The following KLRF1 variants were observed in gnomAD, a reference collection of about 807,000 sequenced individuals.
KLRF1 encodes killer cell lectin like receptor F1.
KLRF1 carries 27 observed loss-of-function variants against 30.7 expected under a neutral mutation model. The observed-to-expected ratio is 0.88, with a 90% CI of 0.65 to 1.21. KLRF1 has a LOEUF of 1.21. KLRF1 is among the 50% of genes most tolerant of loss of function. The pLI is 0.00. For synonymous variants in KLRF1, 92 were observed against 89.3 expected, an observed-to-expected ratio of 1.03 and a Z score of -0.17; for missense variants, 246 against 259.3, an observed-to-expected ratio of 0.95 and a Z score of 0.35.
chr12:9,844,519 A>G lies in KLRF1; in HGVS notation c.689A>G (p.Gln230Arg). 4 of 1,577,586 alleles carry G rather than the reference A, an allele frequency of 2.5e-6. No homozygotes were observed. The highest frequency in any genetic ancestry group is 3.5e-6 in the Non-Finnish European group (4 of 1,150,466). Residue 230 changes from glutamine to arginine, a missense_variant, in exon 6 of 6, where the codon CAG becomes CGG. Gln to Arg is a conservative substitution (Grantham distance 43). Coordinates refer to ENST00000617889, the MANE Select transcript of KLRF1 (RefSeq NM_016523.3). ...AGCAGTGTTTTCAAATGGATTTGTCAGTATTAGAGTTTGACAAAATTCACA... is the reference window on the plus strand; with the variant it reads ...AGCAGTGTTTTCAAATGGATTTGTCGGTATTAGAGTTTGACAAAATTCACA... ...TCSSVFKWIC[Q>R]Y
intron 2 of KLRF1, 87 bp from the exon 3 acceptor site, chr12:9,833,216 A>G (rs762771080): frequency 7.6e-5 from 67 of 880,342 alleles, no homozygotes; most frequent in Middle Eastern, 6.0e-4. Flanking sequence ...TCTTGTTCCA[A>G]TCATCGGAAT....
chr12:9,841,429 A>T (rs1867698695), intron 3 of KLRF1, among the ~76,000 whole-genome samples: 1 of 152,116 alleles, frequency 6.6e-6, no homozygotes, highest in African/African-American at 2.4e-5. Context: ...TTACCTATGT[A>T]ACAAACCTGC....
chr12:9,810,743 A>G, the KLRF1 span, among the ~76,000 whole-genome samples: 1 of 152,228 alleles, frequency 6.6e-6, no homozygotes, highest in Admixed American at 6.5e-5. Flanking sequence ...TTCAGAGCAC[A>G]TTAAGAGTTT....
At chr12:9,839,016 G>A (rs1289593450) in intron 3 of KLRF1, among the ~76,000 whole-genome samples, 1 of 152,074 alleles carries the variant, frequency 6.6e-6, no homozygotes, top group Non-Finnish European at 1.5e-5. Flanking sequence ...GGGGTCTTTA[G>A]AAAGTAATTA....
At position 9,843,737 on chromosome 12, in the gene KLRF1, G is replaced by C. The variant is rs80201733; in HGVS notation, c.588-681G>C. ...CAATACAAAATTTAAAACTAAACTC[G>C]GACAAAGTGTATTTTCTAATATGAA... On this transcript the variant is annotated intron_variant, in intron 5 of 5. Coordinates refer to ENST00000617889, the MANE Select transcript of KLRF1 (RefSeq NM_016523.3). Among the ~76,000 whole-genome samples, 3 of 152,030 alleles carry C rather than the reference G, an allele frequency of 2.0e-5. No homozygotes were observed. The South Asian group carries it at 6.2e-4, about 32-fold the overall frequency.
chr12:9,831,960 T>C (rs1282992672), intron 1 of KLRF1, among the ~76,000 whole-genome samples: 1 of 152,184 alleles, frequency 6.6e-6, no homozygotes, highest in Non-Finnish European at 1.5e-5. Flanking sequence ...TTTATGTGGA[T>C]ACACATGTAT....
At chr12:9,836,678 A>G (rs1297160741) in intron 3 of KLRF1, among the ~76,000 whole-genome samples, 2 of 151,980 alleles carry the variant, frequency 1.3e-5, no homozygotes, top group South Asian at 2.1e-4. Flanking sequence ...TGAAAATTTT[A>G]TATATTTTAT....
intron 1 of KLRF1, among the ~76,000 whole-genome samples, chr12:9,831,674 T>G (rs780781524): frequency 1.8e-4 from 27 of 152,182 alleles, no homozygotes; most frequent in Admixed American, 5.2e-4. Context: ...CTCTCTACTG[T>G]CTGTCCAATG....
At chr12:9,814,513 G>A in the KLRF1 span, among the ~76,000 whole-genome samples, 1 of 152,208 alleles carries the variant, frequency 6.6e-6, no homozygotes. Context: ...GGGGCCTGGG[G>A]ATCCATGGCC....
upstream of KLRF1, among the ~76,000 whole-genome samples, chr12:9,824,936 A>G (rs1270784999): frequency 3.3e-5 from 5 of 152,188 alleles, no homozygotes; most frequent in Admixed American, 3.3e-4. Context: ...CTCTACAAGG[A>G]TAATTACAAA....
intron 1 of KLRF1, among the ~76,000 whole-genome samples, chr12:9,831,832 G>T (rs961888096): frequency 1.1e-4 from 16 of 152,052 alleles, no homozygotes; most frequent in African/African-American, 3.9e-4. Flanking sequence ...GGATTTTAGG[G>T]TTTTTTTGAT....
chr12:9,822,094 C>T, the KLRF1 span, among the ~76,000 whole-genome samples: 1 of 152,202 alleles, frequency 6.6e-6, no homozygotes, highest in East Asian at 1.9e-4. Context: ...ACTCCAGCAA[C>T]TCAAATGGCC....
chr12:9,834,954 T>A (rs1242102630), intron 3 of KLRF1, among the ~76,000 whole-genome samples: 3 of 152,108 alleles, frequency 2.0e-5, no homozygotes, highest in East Asian at 1.9e-4. Flanking sequence ...CTGATAAAGT[T>A]TGTGATATGT....
At chr12:9,818,740 G>A in the KLRF1 span, among the ~76,000 whole-genome samples, 1 of 152,022 alleles carries the variant, frequency 6.6e-6, no homozygotes, top group Non-Finnish European at 1.5e-5. Flanking sequence ...ATTTATTTTT[G>A]TATTTAGAAT....
At chr12:9,833,901 C>CTTTTTTTTTTTTTTTTTTTT (rs35443913) in intron 3 of KLRF1, among the ~76,000 whole-genome samples, 32 of 82,396 alleles carry the variant, frequency 3.9e-4, no homozygotes, top group Non-Finnish European at 4.8e-4. Flanking sequence ...AAATGTTTAA[C>CTTTTTTTTTTTTTTTTTTTT]TTTTTTTTTT....
rs369697495 is a variant in KLRF1 at position 9,844,426 on chromosome 12, T to C, written c.596T>C (p.Ile199Thr). 1.3e-6 allele frequency: 2 copies of C among 1,585,520 alleles called. No individual in the cohort carries two copies. Among genetic ancestry groups the C allele is most frequent in the Non-Finnish European group, 1.7e-6 (2 of 1,154,858 alleles). The change falls in exon 6 of 6, where the codon ATA (isoleucine) becomes ACA (threonine). Residue 199 changes from isoleucine to threonine, a missense_variant. By Grantham distance (89) the Ile-to-Thr change is moderately conservative. Coordinates refer to ENST00000617889, the MANE Select transcript of KLRF1 (RefSeq NM_016523.3). ...GSPIDSKIFF[I>T]KGPAKENSCA... ...TATTCTCTCTTCCCTAGATTCTTCA[T>C]AAAGGGACCAGCTAAAGAAAACAGC... is the stretch of plus-strand genomic sequence containing the variant.
upstream of KLRF1, among the ~76,000 whole-genome samples, chr12:9,827,240 C>T (rs1034252341): frequency 2.0e-5 from 3 of 152,076 alleles, no homozygotes; most frequent in Non-Finnish European, 4.4e-5. Context: ...ATTTCCATTC[C>T]CTTGACTTTA....
the KLRF1 span, among the ~76,000 whole-genome samples, chr12:9,813,560 C>T: frequency 6.6e-6 from 1 of 152,022 alleles, no homozygotes; most frequent in African/African-American, 2.4e-5. Context: ...AAACATTTTT[C>T]CCCCGAGAGA....
upstream of KLRF1, among the ~76,000 whole-genome samples, chr12:9,823,224 CA>C (rs71049011): frequency 5.0e-5 from 7 of 139,070 alleles, no homozygotes; most frequent in African/African-American, 8.3e-5. Context: ...TTAGCAAATG[CA>C]AAAAAAAAAA....
Sources: gnomAD v4.1 joint callset for allele counts (sites outside exome capture counted in the v4.1 genomes callset) on GRCh38, gnomAD v4.1.1 for gene constraint, MANE v1.5 for transcripts, NCBI Gene and HGNC (gene_info 2026-07-23, HGNC 2026-07-21) for gene names.